SOX6: variants seen among roughly 807,000 people sequenced by gnomAD.
SOX6 encodes SRY-box transcription factor 6.
A neutral mutation model predicts 97.8 loss-of-function variants in SOX6; 11 were observed. That is an observed-to-expected ratio of 0.11 (90% CI 0.07 to 0.19). The LOEUF (loss-of-function observed/expected upper bound fraction) is 0.19. SOX6 is among the 10% of genes least tolerant of loss of function. SOX6 has a pLI of 1.00. For synonymous variants in SOX6, 360 were observed against 371.4 expected, an observed-to-expected ratio of 0.97 and a Z score of 0.35; for missense variants, 810 against 1,039.5, an observed-to-expected ratio of 0.78 and a Z score of 3.04.
At chr11:16,294,727 A>T (rs1191865142) in intron 3 of SOX6, among the ~76,000 whole-genome samples, 1 of 152,108 alleles carries the variant, frequency 6.6e-6, no homozygotes, top group Non-Finnish European at 1.5e-5. Flanking sequence ...AACACTGAAA[A>T]AAATTGTTTT....
intron 1 of SOX6, among the ~76,000 whole-genome samples, chr11:16,444,266 C>G (rs1252797578): frequency 6.6e-6 from 1 of 152,138 alleles, no homozygotes; most frequent in African/African-American, 2.4e-5. Context: ...TCTGCCAACA[C>G]TCTCTTACCT....
chr11:16,326,442 A>C (rs1410384984), intron 2 of SOX6, among the ~76,000 whole-genome samples: 1 of 152,118 alleles, frequency 6.6e-6, no homozygotes, highest in Non-Finnish European at 1.5e-5. Flanking sequence ...AGGACCGGTA[A>C]AAATCTTTAA....
chr11:16,148,519 G>A (rs1850374182), intron 6 of SOX6, among the ~76,000 whole-genome samples: 1 of 152,138 alleles, frequency 6.6e-6, no homozygotes, highest in Non-Finnish European at 1.5e-5. Flanking sequence ...CTATGTCTAT[G>A]AAACCGTGTT....
chr11:16,097,043 C>A (rs1316508750), intron 8 of SOX6, among the ~76,000 whole-genome samples: 1 of 151,718 alleles, frequency 6.6e-6, no homozygotes, highest in Admixed American at 6.6e-5. Flanking sequence ...AAAACACTTT[C>A]CCCCCAAGTT....
At chr11:16,449,386 G>T (rs1185431857) in intron 1 of SOX6, among the ~76,000 whole-genome samples, 5 of 140,440 alleles carry the variant, frequency 3.6e-5, no homozygotes, top group African/African-American at 8.1e-5. Flanking sequence ...TCCGCCTCCC[G>T]GGTTCGCGCC....
chr11:16,540,018 A>C lies in SOX6; in HGVS notation n.610-63630T>G, dbSNP rs190026996. Among the ~76,000 whole-genome samples the C allele has an allele frequency of 3.6e-3, 542 of 152,274 alleles. 4 individuals are homozygous for C. Among genetic ancestry groups the C allele is most frequent in the African/African-American group, 0.011 (471 of 41,546 alleles). On this transcript the variant is annotated intron_variant and non_coding_transcript_variant, in intron 4 of 5. Transcript: ENST00000524520. Reference sequence around the variant, plus strand: ...AAAGCTTGGCAGGGACACAACAAAAAAAAGAGAATTTTAGACCAATATCCT... The same window carrying C: ...AAAGCTTGGCAGGGACACAACAAAACAAAGAGAATTTTAGACCAATATCCT...
intron 15 of SOX6, among the ~76,000 whole-genome samples, chr11:15,973,524 T>C (rs377715718): frequency 3.9e-5 from 6 of 152,250 alleles, no homozygotes; most frequent in African/African-American, 1.4e-4. Context: ...ATGACACTAT[T>C]AAGCAGGTTT....
chr11:16,111,755 T>A, intron 7 of SOX6, 48 bp downstream of exon 7: 1 of 1,609,686 alleles, frequency 6.2e-7, no homozygotes, highest in Non-Finnish European at 8.5e-7. Context: ...AGCATAAACA[T>A]GCAGATCTGA....
chr11:16,232,551 T>C (rs900042256), intron 4 of SOX6, among the ~76,000 whole-genome samples: 1 of 152,100 alleles, frequency 6.6e-6, no homozygotes, highest in African/African-American at 2.4e-5. Flanking sequence ...TAGCACATTT[T>C]TTAAATTTTG....
In SOX6 at chr11:16,534,118, C is replaced by G. The variant is rs376768132; in HGVS notation, n.610-57730G>C. ...CAACACTGTATTAGATAGAATGGCACAGCAGAACCAATAAGTCCAATATTC... is the reference window on the plus strand; with the variant it reads ...CAACACTGTATTAGATAGAATGGCAGAGCAGAACCAATAAGTCCAATATTC... On this transcript the variant is annotated intron_variant and non_coding_transcript_variant, in intron 4 of 5. Coordinates refer to the SOX6 transcript ENST00000524520. Among the ~76,000 whole-genome samples the G allele has an allele frequency of 3.9e-5, 6 of 152,222 alleles. No homozygotes were observed. The East Asian group carries it at 5.8e-4, about 15-fold the overall frequency.
intron 4 of SOX6, among the ~76,000 whole-genome samples, chr11:16,591,324 T>TAGATAGATAGACAGAC (rs764523662): frequency 1.4e-5 from 1 of 73,346 alleles, no homozygotes; most frequent in African/African-American, 5.2e-5. Context: ...GATACATAGA[T>TAGATAGATAGACAGAC]AGATAGATAG....
At chr11:16,221,231 G>T (rs1694500454) in intron 4 of SOX6, among the ~76,000 whole-genome samples, 1 of 152,064 alleles carries the variant, frequency 6.6e-6, no homozygotes, top group Non-Finnish European at 1.5e-5. Flanking sequence ...TAAAACCACT[G>T]GTTTCTTAGC....
At chr11:16,079,757 C>A (rs566675968) in intron 9 of SOX6, among the ~76,000 whole-genome samples, 17 of 152,026 alleles carry the variant, frequency 1.1e-4, no homozygotes, top group Non-Finnish European at 2.1e-4. Context: ...ACTTTACTAA[C>A]CATCACTTTT....
At chr11:16,393,081 G>A (rs534378819) in intron 1 of SOX6, among the ~76,000 whole-genome samples, 3 of 152,032 alleles carry the variant, frequency 2.0e-5, no homozygotes, top group South Asian at 2.1e-4. Flanking sequence ...CTGCCTGCCC[G>A]TGACTCTGGT....
intron 1 of SOX6, among the ~76,000 whole-genome samples, chr11:16,363,107 C>T (rs569119495): frequency 5.3e-4 from 80 of 152,132 alleles, no homozygotes; most frequent in Non-Finnish European, 9.4e-4. Context: ...TATATACTTG[C>T]ATTCTAAGTC....
intron 4 of SOX6, among the ~76,000 whole-genome samples, chr11:16,189,124 T>C (rs1425009987): frequency 6.6e-6 from 1 of 152,170 alleles, no homozygotes; most frequent in African/African-American, 2.4e-5. Context: ...CATGTAAATG[T>C]AAACTACAAC....
chr11:16,544,207 G>T (rs1380395431), intron 4 of SOX6, among the ~76,000 whole-genome samples: 5 of 152,092 alleles, frequency 3.3e-5, no homozygotes, highest in Non-Finnish European at 2.9e-5. Context: ...CTGGGATTGG[G>T]GGTGGGAGAA....
At chr11:16,631,292 AC>A (rs1191170152) in intron 3 of SOX6, among the ~76,000 whole-genome samples, 3 of 152,108 alleles carry the variant, frequency 2.0e-5, no homozygotes, top group African/African-American at 4.8e-5. Flanking sequence ...TAACAAATTC[AC>A]TTAGTGTTAG....
intron 9 of SOX6, among the ~76,000 whole-genome samples, chr11:16,081,414 A>G (rs1848470757): frequency 6.6e-6 from 1 of 152,166 alleles, no homozygotes; most frequent in Non-Finnish European, 1.5e-5. Flanking sequence ...CACAAAAAAA[A>G]TGAAGGAAAA....
Sources: allele counts gnomAD v4.1 joint callset (sites outside exome capture counted in the v4.1 genomes callset), GRCh38; gene constraint gnomAD v4.1.1; transcripts MANE v1.5; gene names NCBI Gene and HGNC (gene_info 2026-07-23, HGNC 2026-07-21).